The following MYBPC2 variants were observed in gnomAD, a reference collection of about 807,000 sequenced individuals.
MYBPC2 encodes myosin-binding protein C, fast-type.
In MYBPC2, 122 loss-of-function variants were observed where a neutral mutation model predicts 137.0. The ratio of observed to expected loss-of-function variants is 0.89; its 90% CI spans 0.77 to 1.03. The LOEUF (loss-of-function observed/expected upper bound fraction) is 1.03. MYBPC2 is among the 50% of genes least tolerant of loss of function. The pLI is 0.00. For synonymous variants in MYBPC2, 626 were observed against 612.3 expected (o/e 1.02, Z -0.33); for missense variants, 1,500 against 1,534.4 (o/e 0.98, Z 0.37).
intron 12 of MYBPC2, among the ~76,000 whole-genome samples, chr19:50,447,782 G>A (rs910125207): frequency 8.5e-5 from 13 of 152,134 alleles, no homozygotes; most frequent in East Asian, 3.9e-4. Context: ...ACTTGTACCC[G>A]GGGGGTGGAG....
At chr19:50,451,046 G>T in intron 14 of MYBPC2, 111 bp downstream of exon 14, 1 of 1,087,762 alleles carries the variant, frequency 9.2e-7, no homozygotes, top group Non-Finnish European at 1.3e-6. Context: ...GAATGAGGAC[G>T]ACAGCAAGCG....
rs1568660823 is a variant in MYBPC2, at chr19:50,443,770, G to T, written c.1087G>T (p.Val363Leu). Residue 363 changes from valine to leucine, a missense_variant, in exon 11 of 28, where the codon GTG (valine) becomes TTG (leucine). Val to Leu is a conservative substitution (Grantham distance 32). Coordinates refer to ENST00000357701, the MANE Select transcript of MYBPC2 (RefSeq NM_004533.4). ...EDQQVFVGDR[V>L]EMAVEVSEEG... is the part of the protein sequence containing the mutation. Reference sequence around the variant, plus strand: ...CCAGCAGGTGTTTGTGGGTGACCGGGTGGAAATGGCAGTGGAGGTGTCAGA... The same window carrying T: ...CCAGCAGGTGTTTGTGGGTGACCGGTTGGAAATGGCAGTGGAGGTGTCAGA... 6.2e-7 allele frequency: 1 copy of T among 1,613,944 alleles called. No individual in the cohort carries two copies. The highest frequency in any genetic ancestry group is 1.1e-5 in the South Asian group (1 of 91,084).
rs996039581 is a variant in MYBPC2, at chr19:50,435,357, G to A, written c.109+107G>A. 23 of 683,770 alleles carry A rather than the reference G, an allele frequency of 3.4e-5. No homozygotes were observed. The highest frequency in any genetic ancestry group is 3.8e-4 in the Middle Eastern group (1 of 2,648). 42.4% of individuals were successfully genotyped at this position (683,770 alleles called of 1,614,324 possible). ...AGCCTCTATCCTTGAATCTGTCCCC[G>A]CACAGCCCCAGGGCTGACCCACGCC... On this transcript the variant is annotated intron_variant, in intron 2 of 27. Transcript: ENST00000357701. This position sits in a 1 kb window ranked among gnomAD's most constrained non-coding sequence, Gnocchi z 4.8.
intron 4 of MYBPC2, 133 bp downstream of exon 4, chr19:50,436,293 G>A: frequency 7.2e-7 from 1 of 1,386,384 alleles, no homozygotes; most frequent in Non-Finnish European, 9.7e-7. Flanking sequence ...CTCTGAGGAT[G>A]GAGGTTGTGC....
chr19:50,440,058 G>T (rs962614322), intron 7 of MYBPC2, among the ~76,000 whole-genome samples: 2 of 152,160 alleles, frequency 1.3e-5, no homozygotes, highest in East Asian at 3.9e-4. Context: ...ACTTTGGGGG[G>T]AGTGACGGAA....
chr19:50,459,904 G>T (rs1390746422), intron 23 of MYBPC2, 136 bp from the exon 24 acceptor site: 19 of 1,269,854 alleles, frequency 1.5e-5, no homozygotes, highest in Non-Finnish European at 2.1e-5. Flanking sequence ...TGGGATGGGG[G>T]AGGCCATAGG....
In MYBPC2 at chr19:50,440,943, G is replaced by T. The variant is rs760402417; in HGVS notation, c.636G>T (p.Pro212=). The T allele has an allele frequency of 6.2e-7, 1 of 1,613,850 alleles. No homozygotes were observed. Among genetic ancestry groups the T allele is most frequent in the South Asian group, 1.1e-5 (1 of 91,052 alleles). ...KKDDDDLGIP[P]EIWELLKGAK... ...ATGACGATGACCTAGGCATCCCCCCGGAGATTTGGGAGCTCCTGAAAGGGG... is the reference window on the plus strand; with the variant it reads ...ATGACGATGACCTAGGCATCCCCCCTGAGATTTGGGAGCTCCTGAAAGGGG... The change falls in exon 8 of 28, where the codon CCG becomes CCT. Residue 212 remains proline, a synonymous_variant. Coordinates refer to ENST00000357701, the MANE Select transcript of MYBPC2 (RefSeq NM_004533.4).
chr19:50,446,130 G>T (rs2039803796), intron 12 of MYBPC2, 78 bp downstream of exon 12: 6 of 1,485,850 alleles, frequency 4.0e-6, no homozygotes, highest in Non-Finnish European at 5.4e-6. Context: ...AGGCCCCCCA[G>T]TCTGGAAGTT....
rs1362650364 is a variant in MYBPC2 at position 50,459,314 on chromosome 19, C to T, written c.2791+8C>T. The T allele has an allele frequency of 1.3e-6, 2 of 1,492,174 alleles. No homozygotes were observed. The highest frequency in any genetic ancestry group is 1.8e-6 in the Non-Finnish European group (2 of 1,110,268). The allele number at this position is 1,492,174 out of a possible 1,614,324, so 92.4% of individuals were successfully genotyped here. ...TCCGCATCCGCGTTGTGGGTGCGCG[C>T]GCTGGGGAGGGCCCCTGGAGGCCGG... On this transcript the variant is annotated splice_region_variant and intron_variant, in intron 23 of 27. Transcript: ENST00000357701.
In MYBPC2 at chr19:50,450,839, C is replaced by T. The variant is rs746506324; in HGVS notation, c.1483C>T (p.Leu495=). The change falls in exon 14 of 28, where the codon CTG becomes TTG. Residue 495 remains leucine (L), a synonymous_variant. Transcript: ENST00000357701. ...TCCCCCACCCCTTAGGTTCCACAAG[C>T]TGGTGATCGATGACGTCCGCCCCGA... ...TISHVGRFHK[L]VIDDVRPEDE... is the part of the protein sequence containing the mutation. 4 of 1,568,738 alleles carry T rather than the reference C, an allele frequency of 2.5e-6. No individual in the cohort carries two copies. The highest frequency in any genetic ancestry group is 2.4e-5 in the South Asian group (2 of 84,862).
intron 11 of MYBPC2, 130 bp downstream of exon 11, chr19:50,443,946 A>G: frequency 1.2e-6 from 1 of 827,512 alleles, no homozygotes; most frequent in Non-Finnish European, 1.9e-6. Context: ...CATCCCCAGG[A>G]GATCTCAGCT....
chr19:50,466,249 A>C lies in MYBPC2; in HGVS notation c.*44A>C. Reference sequence around the variant, plus strand: ...CAAGACAATTGGTGGTGGAGTCCTGACCCCAATCCCCAACCTCCCAGGACT... The same window carrying C: ...CAAGACAATTGGTGGTGGAGTCCTGCCCCCAATCCCCAACCTCCCAGGACT... On this transcript the variant is annotated 3_prime_UTR_variant, in exon 28 of 28. Coordinates refer to ENST00000357701, the MANE Select transcript of MYBPC2 (RefSeq NM_004533.4). The surrounding 1 kb of genome is among the most constrained non-coding windows in gnomAD (Gnocchi z 4.9). 1 of 1,613,074 alleles carries C rather than the reference A, an allele frequency of 6.2e-7. No individual in the cohort carries two copies.
intron 12 of MYBPC2, 37 bp downstream of exon 12, chr19:50,446,089 G>C (rs376985293): frequency 6.3e-7 from 1 of 1,594,294 alleles, no homozygotes; most frequent in African/African-American, 1.3e-5. Context: ...GCTGCACTGC[G>C]CATGCTTCTC....
intron 11 of MYBPC2, among the ~76,000 whole-genome samples, chr19:50,444,796 C>T (rs1363433395): frequency 6.9e-6 from 1 of 145,096 alleles, no homozygotes; most frequent in Non-Finnish European, 1.5e-5. Flanking sequence ...AGGAGAATGG[C>T]ATGAACCTGG....
chr19:50,443,603 G>T lies in MYBPC2; in HGVS notation c.1012G>T (p.Glu338Ter). 1 of 1,613,536 alleles carries T rather than the reference G, an allele frequency of 6.2e-7. No homozygotes were observed. Among genetic ancestry groups the T allele is most frequent in the Non-Finnish European group, 8.5e-7 (1 of 1,179,640 alleles). ...VAVKDEKCFT[E>*]LFVKEPPVLI... ...TGTCAAGGATGAGAAGTGTTTCACC[G>T]AGCTCTTCGTCAAAGGTGAGGCTGG... is the stretch of plus-strand genomic sequence containing the variant. The change falls in exon 10 of 28, where the codon GAG becomes TAG. Residue 338 changes from glutamate (E) to a stop codon, truncating the protein, a stop_gained. Coordinates refer to ENST00000357701, the MANE Select transcript of MYBPC2 (RefSeq NM_004533.4). LOFTEE classifies it high-confidence loss of function.
intron 19 of MYBPC2, 102 bp from the exon 20 acceptor site, chr19:50,455,408 C>T: frequency 1.3e-6 from 2 of 1,560,310 alleles, no homozygotes; most frequent in Non-Finnish European, 1.7e-6. Context: ...TGACCCTACC[C>T]CCTGGCCTTC....
At chr19:50,460,506 G>C (rs530904811) in intron 24 of MYBPC2, among the ~76,000 whole-genome samples, 4 of 152,042 alleles carry the variant, frequency 2.6e-5, no homozygotes, top group African/African-American at 9.7e-5. Context: ...GTACCCAATA[G>C]CGCTACCCCC....
chr19:50,437,414 A>T, intron 5 of MYBPC2, 59 bp from the exon 6 acceptor site: 6 of 1,533,060 alleles, frequency 3.9e-6, no homozygotes, highest in Non-Finnish European at 5.4e-6. Flanking sequence ...AGGGGCTCTC[A>T]GTCTAAGATC....
intron 12 of MYBPC2, among the ~76,000 whole-genome samples, chr19:50,446,332 G>A (rs1431797615): frequency 6.6e-6 from 1 of 151,876 alleles, no homozygotes; most frequent in Non-Finnish European, 1.5e-5. Flanking sequence ...CCAACATGGT[G>A]AAACCCCATC....
Sources: allele counts gnomAD v4.1 joint callset (sites outside exome capture counted in the v4.1 genomes callset), GRCh38; gene constraint gnomAD v4.1.1; non-coding constraint Gnocchi (gnomAD v3.1); transcripts MANE v1.5; gene names NCBI Gene and HGNC (gene_info 2026-07-23, HGNC 2026-07-21).